C3orf49: variants seen among roughly 807,000 people sequenced by gnomAD.
C3orf49 encodes the protein chromosome 3 open reading frame 49.
Under a neutral mutation model 13.3 loss-of-function variants are expected in C3orf49, and 27 were observed. The ratio of observed to expected loss-of-function variants is 2.02; its 90% CI spans 1.49 to 2.79. The LOEUF (loss-of-function observed/expected upper bound fraction) is 2.79. C3orf49 is among the 30% of genes most tolerant of loss of function. The pLI is 0.00. For synonymous variants in C3orf49, 87 were observed against 47.6 expected (o/e 1.83, Z -3.40); for missense variants, 242 against 134.2 (o/e 1.80, Z -3.97).
chr3:63,806,615 T>C, the C3orf49 span, among the ~76,000 whole-genome samples: 2 of 152,224 alleles, frequency 1.3e-5, no homozygotes, highest in Non-Finnish European at 2.9e-5. Flanking sequence ...CATCTTTCCA[T>C]ACGTCCCTTT....
the C3orf49 span, among the ~76,000 whole-genome samples, chr3:63,783,565 CAA>C: frequency 2.4e-4 from 32 of 134,208 alleles, no homozygotes; most frequent in African/African-American, 9.0e-4. Flanking sequence ...CACACACACA[CAA>C]ATTAGCCAGG....
the C3orf49 span, among the ~76,000 whole-genome samples, chr3:63,804,413 G>A: frequency 1.3e-5 from 2 of 152,062 alleles, no homozygotes; most frequent in East Asian, 3.9e-4. Context: ...AATCTCCCAC[G>A]TGCTTTCTCT....
At chr3:63,786,243 C>T in the C3orf49 span, among the ~76,000 whole-genome samples, 2 of 151,942 alleles carry the variant, frequency 1.3e-5, no homozygotes, top group Non-Finnish European at 2.9e-5. Flanking sequence ...AGTAAATGTT[C>T]GTAACTGATG....
the C3orf49 span, among the ~76,000 whole-genome samples, chr3:63,813,386 T>C: frequency 2.0e-5 from 3 of 152,202 alleles, no homozygotes; most frequent in South Asian, 4.1e-4. Flanking sequence ...TTGATTCATA[T>C]GTTGTTTTTC....
Position 63,838,535 on chromosome 3 carries a change from T to C in C3orf49, c.850-6488T>C, listed in dbSNP as rs764675681. On this transcript the variant is annotated intron_variant, in intron 5 of 6. Transcript: ENST00000295896. ...AGAAAGAAAACCAAAATAAAGATAT[T>C]TGTGGACTGACAAAAGTGAACTGTT... 2.5e-5 allele frequency: 40 copies of C among 1,569,818 alleles called. No individual in the cohort carries two copies. The highest frequency in any genetic ancestry group is 1.8e-4 in the East Asian group (8 of 43,278).
chr3:63,818,390 T>A (rs1464064550), upstream of C3orf49, among the ~76,000 whole-genome samples: 1 of 152,124 alleles, frequency 6.6e-6, no homozygotes, highest in African/African-American at 2.4e-5. Flanking sequence ...AAAGCTCTTT[T>A]CCCCAGTACT....
At chr3:63,782,466 T>C in the C3orf49 span, 1 of 152,236 alleles carries the variant, frequency 6.6e-6, no homozygotes, top group Non-Finnish European at 1.5e-5. Context: ...TTGTGTACAT[T>C]GATGAGAAAA....
the C3orf49 span, chr3:63,786,079 T>C: frequency 1.3e-5 from 2 of 152,180 alleles, no homozygotes; most frequent in African/African-American, 4.8e-5. Flanking sequence ...GTACTGTTTA[T>C]TGGACAGTAA....
At chr3:63,790,749 T>C in the C3orf49 span, among the ~76,000 whole-genome samples, 1 of 152,208 alleles carries the variant, frequency 6.6e-6, no homozygotes, top group Non-Finnish European at 1.5e-5. Context: ...GTATAGGTTC[T>C]CTTGCAGCTC....
chr3:63,827,076 T>TA (rs1451642875), intron 2 of C3orf49: 1 of 152,258 alleles, frequency 6.6e-6, no homozygotes, highest in African/African-American at 2.4e-5. Flanking sequence ...TATGGTAGTG[T>TA]TTTAAAGTTT....
chr3:63,844,050 T>C (rs1701831589), intron 5 of C3orf49, among the ~76,000 whole-genome samples: 1 of 152,184 alleles, frequency 6.6e-6, no homozygotes, highest in Non-Finnish European at 1.5e-5. Flanking sequence ...TCATTTCAAC[T>C]ACATGGATGA....
chr3:63,846,565 G>T (rs983290653), intron 6 of C3orf49, among the ~76,000 whole-genome samples: 1 of 152,046 alleles, frequency 6.6e-6, no homozygotes, highest in Middle Eastern at 3.4e-3. Flanking sequence ...CCACCACCAC[G>T]CCAGGCTAAT....
At chr3:63,837,228 C>T (rs1281646429) in intron 5 of C3orf49, among the ~76,000 whole-genome samples, 1 of 151,828 alleles carries the variant, frequency 6.6e-6, no homozygotes, top group Non-Finnish European at 1.5e-5. Flanking sequence ...AACACAAAAA[C>T]AGAGAAAAGA....
chr3:63,819,627 A>C (rs1214722471), intron 1 of C3orf49, 31 bp downstream of exon 1: 6 of 702,754 alleles, frequency 8.5e-6, no homozygotes, highest in Non-Finnish European at 1.6e-5. Context: ...TTTCTGTCAA[A>C]TGAGAGTCTT....
the C3orf49 span, among the ~76,000 whole-genome samples, chr3:63,780,866 T>A: frequency 1.3e-5 from 2 of 152,338 alleles, no homozygotes; most frequent in African/African-American, 4.8e-5. Flanking sequence ...TTTGTTTGAG[T>A]TCATTATAGA....
At chr3:63,786,167 A>G in the C3orf49 span, 1 of 152,018 alleles carries the variant, frequency 6.6e-6, no homozygotes, top group East Asian at 1.9e-4. Context: ...CAGGCGTGAA[A>G]TCTCTTTGTG....
the C3orf49 span, among the ~76,000 whole-genome samples, chr3:63,807,055 C>A: frequency 6.6e-6 from 1 of 151,854 alleles, no homozygotes; most frequent in Non-Finnish European, 1.5e-5. Flanking sequence ...GGGTTCACGT[C>A]ATTCTCCTGC....
At chr3:63,834,243 A>T (rs775179993) in intron 5 of C3orf49, 1 of 1,587,172 alleles carries the variant, frequency 6.3e-7, no homozygotes, top group East Asian at 2.2e-5. Flanking sequence ...AAGTTTGCCT[A>T]TATTTTATAT....
chr3:63,835,346 A>C lies in C3orf49; in HGVS notation c.849+3502A>C, dbSNP rs137931328. ...TACCTTATCTTCAACACTTTCTTTAATGTGTGAAAGATGCTCTAATTCTTT... is the reference window on the plus strand; with the variant it reads ...TACCTTATCTTCAACACTTTCTTTACTGTGTGAAAGATGCTCTAATTCTTT... On this transcript the variant is annotated intron_variant, in intron 5 of 6. Transcript: ENST00000295896. 6.4e-4 allele frequency: 1,032 copies of C among 1,613,568 alleles called. 10 individuals carry two copies. The Admixed American group carries it at 0.016, about 25-fold the overall frequency.
Sources: allele counts gnomAD v4.1 joint callset (sites outside exome capture counted in the v4.1 genomes callset), GRCh38; gene constraint gnomAD v4.1.1; transcripts MANE v1.5; gene names NCBI Gene and HGNC (gene_info 2026-07-23, HGNC 2026-07-21).